Variants in PKDREJ observed in about 807,000 individuals in gnomAD.
The protein encoded by PKDREJ is polycystin family receptor for egg jelly.
For synonymous variants in PKDREJ, 1,031 were observed against 1,095.5 expected (o/e 0.94, Z 1.16); for missense variants, 2,507 against 2,807.2 (o/e 0.89, Z 2.42).
chr22:46,257,672 T>G lies in PKDREJ; in HGVS notation c.5651A>C (p.Tyr1884Ser). The G allele has an allele frequency of 6.2e-7, 1 of 1,614,156 alleles. No homozygotes were observed. The highest frequency in any genetic ancestry group is 1.1e-5 in the South Asian group (1 of 91,078). ...AAACCGCTGCTGTTCTGGAAAAAAATAGAGTGCATATCCTCCAGATCCATA... is the reference window on the plus strand; with the variant it reads ...AAACCGCTGCTGTTCTGGAAAAAAAGAGAGTGCATATCCTCCAGATCCATA... Reference protein sequence around the residue: ...HTYGSGGYALYFFPEQQRFNS... With the variant: ...HTYGSGGYALSFFPEQQRFNS... The change falls in exon 1 of 1, where the codon TAT becomes TCT. Residue 1884 changes from tyrosine (Y) to serine (S), a missense_variant. Tyr to Ser is a moderately radical substitution (Grantham distance 144). Transcript: ENST00000253255. The surrounding 1 kb of genome is among the most constrained non-coding windows in gnomAD (Gnocchi z 4.7).
At position 46,256,689 on chromosome 22, in the gene PKDREJ, T is replaced by A. The variant is rs756978541; in HGVS notation, c.6634A>T (p.Lys2212Ter). The A allele has an allele frequency of 1.2e-6, 2 of 1,614,172 alleles. No individual in the cohort carries two copies. The highest frequency in any genetic ancestry group is 2.2e-5 in the South Asian group (2 of 91,088). ...TMFSFLTSQSKAKDEPEFFID... is the reference protein window; with the variant it reads ...TMFSFLTSQS Reference sequence around the variant, plus strand: ...AAGAACTCAGGCTCATCTTTGGCCTTAGATTGCGAGGTCAGAAAGCTGAAC... The same window carrying A: ...AAGAACTCAGGCTCATCTTTGGCCTAAGATTGCGAGGTCAGAAAGCTGAAC... The change falls in exon 1 of 1, where the codon AAG (lysine) becomes TAG (stop). Residue 2212 changes from lysine (K) to a stop codon, truncating the protein, a stop_gained. Coordinates refer to ENST00000253255, the MANE Select transcript of PKDREJ (RefSeq NM_006071.2). LOFTEE classifies it low-confidence loss of function (END_TRUNC). This position sits in a 1 kb window ranked among gnomAD's most constrained non-coding sequence, Gnocchi z 5.3.
Position 46,260,648 on chromosome 22 carries a change from C to A in PKDREJ, c.2675G>T (p.Ser892Ile). ...ATTTGCAGACAGACCAGGAACACTG[C>A]TCACATTGAGTGTTGGATAAAAACA... ...RNCFYPTLNV[S>I]SVPGLSANGP... is the part of the protein sequence containing the mutation. The change falls in exon 1 of 1, where the codon AGC becomes ATC. Residue 892 changes from serine (S) to isoleucine (I), a missense_variant. Transcript: ENST00000253255. The surrounding 1 kb of genome is among the most constrained non-coding windows in gnomAD (Gnocchi z 4.5). 6.2e-7 allele frequency: 1 copy of A among 1,613,970 alleles called. No individual in the cohort carries two copies. The highest frequency in any genetic ancestry group is 8.5e-7 in the Non-Finnish European group (1 of 1,179,834).
At position 46,260,823 on chromosome 22, in the gene PKDREJ, T is replaced by G. The variant is rs1460384854; in HGVS notation, c.2500A>C (p.Ile834Leu). The change falls in exon 1 of 1, where the codon ATA (isoleucine) becomes CTA (leucine). Residue 834 changes from isoleucine to leucine, a missense_variant. By Grantham distance (5) the Ile-to-Leu change is conservative. Transcript: ENST00000253255. The surrounding 1 kb of genome is among the most constrained non-coding windows in gnomAD (Gnocchi z 4.5). ...HQVVKDPFYVIESLSDTILAN... is the reference protein window; with the variant it reads ...HQVVKDPFYVLESLSDTILAN... ...AGTATTGTGTCTGATAGAGATTCTA[T>G]TACATAGAAAGGATCTTTAACTACT... is the stretch of plus-strand genomic sequence containing the variant. 3 of 1,614,094 alleles carry G rather than the reference T, an allele frequency of 1.9e-6. No individual in the cohort carries two copies. The highest frequency in any genetic ancestry group is 4.5e-5 in the East Asian group (2 of 44,888).
chr22:46,262,269 C>T lies in PKDREJ; in HGVS notation c.1054G>A (p.Glu352Lys), dbSNP rs375987792. 1.1e-5 allele frequency: 18 copies of T among 1,614,196 alleles called. No homozygotes were observed. The highest frequency in any genetic ancestry group is 1.4e-5 in the Non-Finnish European group (16 of 1,180,038). ...GTGGACCCGTCCAGAATCAGCTGCT[C>T]TGTGAAATTAGCTGTTATGTTGGCA... ...GDANITANFT[E>K]QLILDGSTSS... The change falls in exon 1 of 1, where the codon GAG becomes AAG. Residue 352 changes from glutamate to lysine, a missense_variant. By Grantham distance (56) the Glu-to-Lys change is moderately conservative. Coordinates refer to ENST00000253255, the MANE Select transcript of PKDREJ (RefSeq NM_006071.2). The surrounding 1 kb of genome is among the most constrained non-coding windows in gnomAD (Gnocchi z 8.1).
chr22:46,258,291 C>G lies in PKDREJ; in HGVS notation c.5032G>C (p.Val1678Leu). The change falls in exon 1 of 1, where the codon GTC becomes CTC. Residue 1678 changes from valine to leucine, a missense_variant. Val to Leu is a conservative substitution (Grantham distance 32). Coordinates refer to ENST00000253255, the MANE Select transcript of PKDREJ (RefSeq NM_006071.2). The surrounding 1 kb of genome is among the most constrained non-coding windows in gnomAD (Gnocchi z 6.1). ...TACATCCTCGTGCCTCGGATTCGGACGATCTGGTCATGTATCCTCTGCATT... is the reference window on the plus strand; with the variant it reads ...TACATCCTCGTGCCTCGGATTCGGAGGATCTGGTCATGTATCCTCTGCATT... ...EEMQRIHDQIVRIRGTRMYQP... is the reference protein window; with the variant it reads ...EEMQRIHDQILRIRGTRMYQP... 1 of 1,614,174 alleles carries G rather than the reference C, an allele frequency of 6.2e-7. No individual in the cohort carries two copies. The highest frequency in any genetic ancestry group is 1.1e-5 in the South Asian group (1 of 91,090).
At position 46,263,284 on chromosome 22, in the gene PKDREJ, G is replaced by T; in HGVS notation, c.39C>A (p.Gly13=). 1 of 1,465,844 alleles carries T rather than the reference G, an allele frequency of 6.8e-7. No homozygotes were observed. Among genetic ancestry groups the T allele is most frequent in the Non-Finnish European group, 9.0e-7 (1 of 1,117,188 alleles). 90.8% of individuals were successfully genotyped at this position (1,465,844 alleles called of 1,614,324 possible). A position where few individuals can be genotyped will look rare whatever the true frequency, so the allele number is the denominator to read the frequency against. ...PGPALLLLGV[G]LSLSVGRLPL... ...GGAGGCGGCCGACGCTCAGGCTCAG[G>T]CCCACGCCCAGAAGGAGGAGAGCGG... The change falls in exon 1 of 1, where the codon GGC becomes GGA. Residue 13 remains glycine, a synonymous_variant. Transcript: ENST00000253255. The surrounding 1 kb of genome is among the most constrained non-coding windows in gnomAD (Gnocchi z 9.4).
In PKDREJ at chr22:46,258,524, A is replaced by T; in HGVS notation, c.4799T>A (p.Leu1600Gln). 6.2e-7 allele frequency: 1 copy of T among 1,614,264 alleles called. No homozygotes were observed. The highest frequency in any genetic ancestry group is 1.6e-4 in the Middle Eastern group (1 of 6,062). ...ISSFFIVFYG[L>Q]TYGYDKSIEW... The stretch of plus-strand genomic sequence containing the variant: ...TATTGACTTGTCATAGCCGTAAGTC[A>T]GTCCATAAAATACAATGAAGAATGA... The change falls in exon 1 of 1, where the codon CTG (leucine) becomes CAG (glutamine). Residue 1600 changes from leucine to glutamine, a missense_variant. Leu to Gln is a moderately radical substitution (Grantham distance 113, BLOSUM62 -2). Transcript: ENST00000253255. The surrounding 1 kb of genome is among the most constrained non-coding windows in gnomAD (Gnocchi z 6.1).
Position 46,257,474 on chromosome 22 carries a change from T to C in PKDREJ, c.5849A>G (p.His1950Arg), listed in dbSNP as rs745604526. Residue 1950 changes from histidine to arginine, a missense_variant, in exon 1 of 1, where the codon CAC becomes CGC. By Grantham distance (29) the His-to-Arg change is conservative. Transcript: ENST00000253255. This position sits in a 1 kb window ranked among gnomAD's most constrained non-coding sequence, Gnocchi z 4.7. ...GTCAAAATCAGCAAGTGAAAAAGAG[T>C]GCAGAGATATGCTTGTGTTGACAAC... The part of the protein sequence containing the change: ...LGVVNTSISL[H>R]SFSLADFDRK... The C allele has an allele frequency of 1.1e-5, 18 of 1,613,922 alleles. No homozygotes were observed. Among genetic ancestry groups the C allele is most frequent in the Admixed American group, 1.7e-5 (1 of 60,002 alleles).
Position 46,260,284 on chromosome 22 carries a change from C to T in PKDREJ, c.3039G>A (p.Val1013=). 6.2e-7 allele frequency: 1 copy of T among 1,614,150 alleles called. No individual in the cohort carries two copies. Among genetic ancestry groups the T allele is most frequent in the East Asian group, 2.2e-5 (1 of 44,884 alleles). The change falls in exon 1 of 1, where the codon GTG becomes GTA. Residue 1013 remains valine (V), a synonymous_variant. Coordinates refer to ENST00000253255, the MANE Select transcript of PKDREJ (RefSeq NM_006071.2). The surrounding 1 kb of genome is among the most constrained non-coding windows in gnomAD (Gnocchi z 4.5). ...TEVMVLFTVL[V]YTGSQITPTA... ...TGGGAGTGATCTGACTGCCTGTGTA[C>T]ACCAACACTGTGAACAGCACCATCA...
At position 46,261,170 on chromosome 22, in the gene PKDREJ, T is replaced by C. The variant is rs764769555; in HGVS notation, c.2153A>G (p.Asn718Ser). 2 of 1,614,072 alleles carry C rather than the reference T, an allele frequency of 1.2e-6. No individual in the cohort carries two copies. Among genetic ancestry groups the C allele is most frequent in the African/African-American group, 2.7e-5 (2 of 74,942 alleles). ...GAGAGGTAATTCAGTTTTCATGTTA[T>C]TCAAAACGGAAGCTACTATATACAG... ...YLLYIVASVL[N>S]NMKTELPLRD... The change falls in exon 1 of 1, where the codon AAT (asparagine) becomes AGT (serine). Residue 718 changes from asparagine (N) to serine (S), a missense_variant. By Grantham distance (46) the Asn-to-Ser change is conservative. Coordinates refer to ENST00000253255, the MANE Select transcript of PKDREJ (RefSeq NM_006071.2). The surrounding 1 kb of genome is among the most constrained non-coding windows in gnomAD (Gnocchi z 7.1).
rs1936707037 is a variant in PKDREJ, at chr22:46,262,373, T to G, written c.950A>C (p.Lys317Thr). 2.5e-6 allele frequency: 4 copies of G among 1,614,180 alleles called. No individual in the cohort carries two copies. Among genetic ancestry groups the G allele is most frequent in the Non-Finnish European group, 3.4e-6 (4 of 1,180,036 alleles). The change falls in exon 1 of 1, where the codon AAG becomes ACG. Residue 317 changes from lysine (K) to threonine (T), a missense_variant. Lys to Thr is a moderately conservative substitution (Grantham distance 78). Coordinates refer to ENST00000253255, the MANE Select transcript of PKDREJ (RefSeq NM_006071.2). The surrounding 1 kb of genome is among the most constrained non-coding windows in gnomAD (Gnocchi z 8.1). ...FTVSITTGNP[K>T]MPEVKDSDAV... The stretch of plus-strand genomic sequence containing the variant: ...GTCCGAGTCTTTCACCTCGGGCATC[T>G]TGGGGTTCCCTGTGGTGATGGACAC...
At position 46,263,269 on chromosome 22, in the gene PKDREJ, G is replaced by T; in HGVS notation, c.54C>A (p.Val18=). 4 of 1,466,432 alleles carry T rather than the reference G, an allele frequency of 2.7e-6. No homozygotes were observed. Among genetic ancestry groups the T allele is most frequent in the South Asian group, 1.3e-5 (1 of 77,522 alleles). 90.8% of individuals were successfully genotyped at this position (1,466,432 alleles called of 1,614,324 possible). The stretch of plus-strand genomic sequence containing the variant: ...GAACCGGCGGCAGCGGGAGGCGGCC[G>T]ACGCTCAGGCTCAGGCCCACGCCCA... ...LLLGVGLSLS[V]GRLPLPPVPR... is the part of the protein sequence containing the mutation. Residue 18 remains valine (V), a synonymous_variant, in exon 1 of 1, where the codon GTC becomes GTA. Transcript: ENST00000253255. The surrounding 1 kb of genome is among the most constrained non-coding windows in gnomAD (Gnocchi z 9.4).
Position 46,259,746 on chromosome 22 carries a change from T to C in PKDREJ, c.3577A>G (p.Ile1193Val), listed in dbSNP as rs369563359. Residue 1193 changes from isoleucine to valine, a missense_variant, in exon 1 of 1, where the codon ATT becomes GTT. Physicochemically the swap from Ile to Val is conservative, Grantham distance 29. Coordinates refer to ENST00000253255, the MANE Select transcript of PKDREJ (RefSeq NM_006071.2). This position sits in a 1 kb window ranked among gnomAD's most constrained non-coding sequence, Gnocchi z 6.8. ...GCTAGGCCCACGTATAAGAGAATAA[T>C]GAAAAGCACAGTGAAGAGGGTCACG... ...NPVTLFTVLF[I>V]ILLYVGLAFW... The C allele has an allele frequency of 3.7e-6, 6 of 1,614,020 alleles. No individual in the cohort carries two copies. The highest frequency in any genetic ancestry group is 3.3e-5 in the Admixed American group (2 of 59,994).
rs1569270201 is a variant in PKDREJ at position 46,258,424 on chromosome 22, C to A, written c.4899G>T (p.Leu1633=). Residue 1633 remains leucine (L), a synonymous_variant, in exon 1 of 1, where the codon CTG becomes CTT. Coordinates refer to ENST00000253255, the MANE Select transcript of PKDREJ (RefSeq NM_006071.2). This position sits in a 1 kb window ranked among gnomAD's most constrained non-coding sequence, Gnocchi z 6.1. ...TGGGTTTATTCGTTCTGAAGCCTGA[C>A]AGGAGTATAATTTTAGATGGCTGCA... ...LLVQPSKIIL[L]SGFRTNKPKY... The A allele has an allele frequency of 1.2e-6, 2 of 1,614,050 alleles. No homozygotes were observed. Among genetic ancestry groups the A allele is most frequent in the South Asian group, 2.2e-5 (2 of 91,084 alleles).
chr22:46,260,032 A>T lies in PKDREJ; in HGVS notation c.3291T>A (p.Ile1097=), dbSNP rs780227940. Reference sequence around the variant, plus strand: ...CCAAGCACTGGACGCTGAAAATAGAAATTCTCACTAGCTTGTCATTGAGCT... The same window carrying T: ...CCAAGCACTGGACGCTGAAAATAGATATTCTCACTAGCTTGTCATTGAGCT... ...VMKLNDKLVR[I]SIFSVQCLDM... Residue 1097 remains isoleucine, a synonymous_variant, in exon 1 of 1, where the codon ATT becomes ATA. Transcript: ENST00000253255. The surrounding 1 kb of genome is among the most constrained non-coding windows in gnomAD (Gnocchi z 4.5). 24 of 1,614,116 alleles carry T rather than the reference A, an allele frequency of 1.5e-5. No homozygotes were observed. The highest frequency in any genetic ancestry group is 1.6e-4 in the Middle Eastern group (1 of 6,062).
In PKDREJ at chr22:46,261,358, T is replaced by G. The variant is rs1569005705; in HGVS notation, c.1965A>C (p.Leu655=). The G allele has an allele frequency of 6.2e-7, 1 of 1,613,776 alleles. No homozygotes were observed. The highest frequency in any genetic ancestry group is 8.5e-7 in the Non-Finnish European group (1 of 1,179,984). ...LKIYAQVYDS[L]GAFSQVTLHA... The stretch of plus-strand genomic sequence containing the variant: ...GCAAAGTCACCTGAGAAAAAGCTCC[T>G]AGAGAATCATAGACCTGGGCATATA... The change falls in exon 1 of 1, where the codon CTA becomes CTC. Residue 655 remains leucine, a synonymous_variant. Coordinates refer to ENST00000253255, the MANE Select transcript of PKDREJ (RefSeq NM_006071.2). The surrounding 1 kb of genome is among the most constrained non-coding windows in gnomAD (Gnocchi z 7.1).
rs1569271297 is a variant in PKDREJ, at chr22:46,260,685, GTT to G, written c.2636_2637del (p.Lys879ThrfsTer30). 1 of 1,614,126 alleles carries G rather than the reference GTT, an allele frequency of 6.2e-7. No homozygotes were observed. Among genetic ancestry groups the G allele is most frequent in the African/African-American group, 1.3e-5 (1 of 75,046 alleles). The stretch of plus-strand genomic sequence containing the variant: ...GTTGGATAAAAACAATTTCTGCAGT[GTT>G]TCTCATTTCTGAAGAGCTGGTTGAT... ...WGINQLFRNEKHCRNCFYPTL... is the reference protein window; with the variant it reads ...WGINQLFRNEXHCRNCFYPTL... On this transcript the variant is annotated frameshift_variant, in exon 1 of 1. Transcript: ENST00000253255. LOFTEE classifies it low-confidence loss of function (END_TRUNC). The surrounding 1 kb of genome is among the most constrained non-coding windows in gnomAD (Gnocchi z 4.5).
Position 46,260,556 on chromosome 22 carries a change from T to C in PKDREJ, c.2767A>G (p.Asn923Asp). 6.2e-7 allele frequency: 1 copy of C among 1,614,172 alleles called. No individual in the cohort carries two copies. Among genetic ancestry groups the C allele is most frequent in the Non-Finnish European group, 8.5e-7 (1 of 1,180,030 alleles). Residue 923 changes from asparagine (N) to aspartate (D), a missense_variant, in exon 1 of 1, where the codon AAC becomes GAC. Asn to Asp is a conservative substitution (Grantham distance 23). Transcript: ENST00000253255. The surrounding 1 kb of genome is among the most constrained non-coding windows in gnomAD (Gnocchi z 4.5). The stretch of plus-strand genomic sequence containing the variant: ...AATCCAGACACCTCCACCGAAGTGT[T>C]TTCCTGATCATTTAACCAAGGAAAG... ...DLFPWLNDQE[N>D]TSVEVSGFRM...
Position 46,259,213 on chromosome 22 carries a change from G to A in PKDREJ, c.4110C>T (p.His1370=), listed in dbSNP as rs964629961. Residue 1370 remains histidine (H), a synonymous_variant, in exon 1 of 1, where the codon CAC becomes CAT. Transcript: ENST00000253255. This position sits in a 1 kb window ranked among gnomAD's most constrained non-coding sequence, Gnocchi z 6.8. ...IDVSSNLRKN[H]MWFSIFASVV... is the part of the protein sequence containing the mutation. ...CACTAGCAAAAATAGAGAACCACAT[G>A]TGGTTTTTCCGGAGATTACTACTCA... The A allele has an allele frequency of 3.7e-6, 6 of 1,613,592 alleles. No individual in the cohort carries two copies. Among genetic ancestry groups the A allele is most frequent in the Non-Finnish European group, 5.1e-6 (6 of 1,179,866 alleles).
Sources: allele counts gnomAD v4.1 joint callset, GRCh38; gene constraint gnomAD v4.1.1; non-coding constraint Gnocchi (gnomAD v3.1); transcripts MANE v1.5; gene names NCBI Gene and HGNC (gene_info 2026-07-23, HGNC 2026-07-21).